The following DOLPP1 variants were observed in gnomAD, a reference collection of about 807,000 sequenced individuals.
DOLPP1 encodes the protein dolichyldiphosphatase 1.
DOLPP1 carries 15 observed loss-of-function variants against 34.1 expected under a neutral mutation model. The observed-to-expected ratio is 0.44, with a 90% CI of 0.29 to 0.68. The LOEUF is 0.68. Among genes scored for constraint, DOLPP1 ranks in the 30% least tolerant of loss-of-function variants. DOLPP1 has a pLI of 0.12. For synonymous variants in DOLPP1, 130 were observed against 128.2 expected (o/e 1.01, Z -0.10); for missense variants, 249 against 307.1 (o/e 0.81, Z 1.41).
chr9:129,087,236 C>T (rs1847007170), intron 7 of DOLPP1, among the ~76,000 whole-genome samples: 1 of 152,126 alleles, frequency 6.6e-6, no homozygotes, highest in Non-Finnish European at 1.5e-5. Flanking sequence ...GCTTTGGAGA[C>T]TCCTGACTCA....
Position 129,089,633 on chromosome 9 carries a change from C to T in DOLPP1, c.*626C>T, listed in dbSNP as rs1192621138. Reference sequence around the variant, plus strand: ...CCCTGTCTGGGGGCAGGGCCCAGAGCGAGCACGCGTCTGGCGGCTGCTGTC... The same window carrying T: ...CCCTGTCTGGGGGCAGGGCCCAGAGTGAGCACGCGTCTGGCGGCTGCTGTC... On this transcript the variant is annotated 3_prime_UTR_variant, in exon 8 of 8. Transcript: ENST00000372546. The surrounding 1 kb of genome is among the most constrained non-coding windows in gnomAD (Gnocchi z 4.9). The T allele has an allele frequency of 1.9e-5, 3 of 155,434 alleles. No homozygotes were observed. 9.6% of individuals were successfully genotyped at this position (155,434 alleles called of 1,614,324 possible).
At position 129,089,122 on chromosome 9, in the gene DOLPP1, T is replaced by C. The variant is rs1847048547; in HGVS notation, c.*115T>C. 3 of 1,030,692 alleles carry C rather than the reference T, an allele frequency of 2.9e-6. No homozygotes were observed. In the Admixed American group the frequency reaches 6.8e-5, roughly 23 times the overall value. 63.8% of individuals were successfully genotyped at this position (1,030,692 alleles called of 1,614,324 possible). ...ACCTCTACAGACCCAAGTCACCAAG[T>C]GGAGCCTTTTTTTTTCTTATTTTAA... On this transcript the variant is annotated 3_prime_UTR_variant, in exon 8 of 8. Transcript: ENST00000372546. This position sits in a 1 kb window ranked among gnomAD's most constrained non-coding sequence, Gnocchi z 4.9.
chr9:129,086,884 G>A (rs532030809), intron 7 of DOLPP1, 86 bp downstream of exon 7: 11 of 1,127,070 alleles, frequency 9.8e-6, no homozygotes, highest in South Asian at 6.2e-5. Context: ...GGAGCCTCGC[G>A]CCTGCCTAAG....
chr9:129,086,159 C>T lies in DOLPP1; in HGVS notation c.482C>T (p.Thr161Ile), dbSNP rs1272761478. The T allele has an allele frequency of 6.2e-7, 1 of 1,613,446 alleles. No individual in the cohort carries two copies. The highest frequency in any genetic ancestry group is 1.3e-5 in the African/African-American group (1 of 75,060). ...CCCAGGGTCTACCTGCTGTACCACA[C>T]CTGGAGCCAGGTGCTCTATGGAGGC... ...SYSRVYLLYH[T>I]WSQVLYGGIA... The change falls in exon 6 of 8, where the codon ACC becomes ATC. Residue 161 changes from threonine (T) to isoleucine (I), a missense_variant. By Grantham distance (89) the Thr-to-Ile change is moderately conservative (BLOSUM62 -1). Coordinates refer to ENST00000372546, the MANE Select transcript of DOLPP1 (RefSeq NM_020438.5).
intron 1 of DOLPP1, 37 bp downstream of exon 1, chr9:129,081,244 G>T: frequency 6.2e-7 from 1 of 1,603,536 alleles, no homozygotes; most frequent in Non-Finnish European, 8.5e-7. Context: ...CGCCTTCCCA[G>T]GGACGGCCTC....
intron 1 of DOLPP1, 145 bp downstream of exon 1, chr9:129,081,352 G>A: frequency 1.9e-6 from 2 of 1,061,862 alleles, no homozygotes; most frequent in Non-Finnish European, 2.6e-6. Flanking sequence ...GGGCTCGGCC[G>A]GCGCGCGCGC....
chr9:129,084,027 T>C (rs1846937216), intron 1 of DOLPP1, among the ~76,000 whole-genome samples: 1 of 152,192 alleles, frequency 6.6e-6, no homozygotes, highest in African/African-American at 2.4e-5. Flanking sequence ...TGGTAATCAA[T>C]AGGTAGGCAG....
chr9:129,090,392 A>G lies in DOLPP1; in HGVS notation c.*1385A>G, dbSNP rs912982273. On this transcript the variant is annotated 3_prime_UTR_variant, in exon 8 of 8. Transcript: ENST00000372546. ...AGGTGGTTTGATTTAAGAAAAATCA[A>G]TGAAATTGTTTACTACTGTTTTAAA... The G allele has an allele frequency of 6.6e-6, 1 of 152,642 alleles. No individual in the cohort carries two copies. Among genetic ancestry groups the G allele is most frequent in the African/African-American group, 2.4e-5 (1 of 41,434 alleles). 9.5% of individuals were successfully genotyped at this position (152,642 alleles called of 1,614,324 possible). A position where few individuals can be genotyped will look rare whatever the true frequency, so the allele number is the denominator to read the frequency against.
intron 1 of DOLPP1, among the ~76,000 whole-genome samples, chr9:129,084,224 G>C (rs900174443): frequency 6.6e-6 from 1 of 152,162 alleles, no homozygotes; most frequent in Non-Finnish European, 1.5e-5. Context: ...CTGCCGGGCT[G>C]CCTCCCAGGT....
At position 129,089,527 on chromosome 9, in the gene DOLPP1, T is replaced by C. The variant is rs1044113996; in HGVS notation, c.*520T>C. The C allele has an allele frequency of 5.8e-5, 9 of 154,850 alleles. No homozygotes were observed. The highest frequency in any genetic ancestry group is 2.5e-4 in the Admixed American group (4 of 15,858). 9.6% of individuals were successfully genotyped at this position (154,850 alleles called of 1,614,324 possible). On this transcript the variant is annotated 3_prime_UTR_variant, in exon 8 of 8. Coordinates refer to ENST00000372546, the MANE Select transcript of DOLPP1 (RefSeq NM_020438.5). The surrounding 1 kb of genome is among the most constrained non-coding windows in gnomAD (Gnocchi z 4.9). ...CAGACTGCCTCTCCCTGGGCCGGGG[T>C]GGCCTGGGTGCCAGGAGGAGGGGAG...
chr9:129,085,617 G>T lies in DOLPP1; in HGVS notation c.461+1G>T. The T allele has an allele frequency of 6.2e-7, 1 of 1,609,644 alleles. No individual in the cohort carries two copies. The highest frequency in any genetic ancestry group is 1.1e-5 in the South Asian group (1 of 90,916). On this transcript the variant is annotated splice_donor_variant, in intron 5 of 7. Coordinates refer to ENST00000372546, the MANE Select transcript of DOLPP1 (RefSeq NM_020438.5). LOFTEE classifies it high-confidence loss of function. The surrounding 1 kb of genome is among the most constrained non-coding windows in gnomAD (Gnocchi z 7.0). ...TGGCCTTCCTAGTCTCCTACAGCAG[G>T]TATGGAGGAGGGAGAGCCCCTGCCT...
rs1204189911 is a variant in DOLPP1, at chr9:129,084,744, C to T, written c.153C>T (p.Ile51=). 5 of 1,613,282 alleles carry T rather than the reference C, an allele frequency of 3.1e-6. No homozygotes were observed. The highest frequency in any genetic ancestry group is 4.2e-6 in the Non-Finnish European group (5 of 1,179,348). ...VFVIVGFVTL[I]IFKRELHTIS... ...TCATCGTCGGTTTCGTGACCCTCATCATATTTAAGCGGGAGCTGCACACGG... is the reference window on the plus strand; with the variant it reads ...TCATCGTCGGTTTCGTGACCCTCATTATATTTAAGCGGGAGCTGCACACGG... The change falls in exon 2 of 8, where the codon ATC becomes ATT. Residue 51 remains isoleucine (I), a synonymous_variant. Transcript: ENST00000372546.
Position 129,085,407 on chromosome 9 carries a change from C to A in DOLPP1, c.362+101C>A. ...TTGGATGCCCCTGGGGTGGGAGGGG[C>A]TGCAGCGGAGGCAGAAGGTACCCAG... On this transcript the variant is annotated intron_variant, in intron 4 of 7. Transcript: ENST00000372546. The surrounding 1 kb of genome is among the most constrained non-coding windows in gnomAD (Gnocchi z 7.0). 1 of 1,512,804 alleles carries A rather than the reference C, an allele frequency of 6.6e-7. No individual in the cohort carries two copies. The allele number at this position is 1,512,804 out of a possible 1,614,324, so 93.7% of individuals were successfully genotyped here. A position where few individuals can be genotyped will look rare whatever the true frequency, so the allele number is the denominator to read the frequency against.
In DOLPP1 at chr9:129,085,180, G is replaced by A; in HGVS notation, c.263-27G>A. The A allele has an allele frequency of 6.2e-7, 1 of 1,613,194 alleles. No individual in the cohort carries two copies. The highest frequency in any genetic ancestry group is 8.5e-7 in the Non-Finnish European group (1 of 1,179,406). The stretch of plus-strand genomic sequence containing the variant: ...TACTGGGAGGTCTGCATCCCCCCGT[G>A]ATGCCCTGGTCTCCTCTCTCTCCCA... On this transcript the variant is annotated intron_variant, in intron 3 of 7. Transcript: ENST00000372546. This position sits in a 1 kb window ranked among gnomAD's most constrained non-coding sequence, Gnocchi z 7.0.
Position 129,085,730 on chromosome 9 carries a change from T to A in DOLPP1, c.461+114T>A. 1.2e-6 allele frequency: 1 copy of A among 804,572 alleles called. No homozygotes were observed. The highest frequency in any genetic ancestry group is 1.9e-6 in the Non-Finnish European group (1 of 517,532). The allele number at this position is 804,572 out of a possible 1,614,324, so 49.8% of individuals were successfully genotyped here. A position where few individuals can be genotyped will look rare whatever the true frequency, so the allele number is the denominator to read the frequency against. On this transcript the variant is annotated intron_variant, in intron 5 of 7. Coordinates refer to ENST00000372546, the MANE Select transcript of DOLPP1 (RefSeq NM_020438.5). The surrounding 1 kb of genome is among the most constrained non-coding windows in gnomAD (Gnocchi z 7.0). ...AGTCCCAGAACCTGTAGTGCAGGAC[T>A]GGAAAAGGGGTCCCAGACCTCTAGT...
Position 129,081,173 on chromosome 9 carries a change from G to A in DOLPP1, c.42G>A (p.Arg14=). Residue 14 remains arginine, a synonymous_variant, in exon 1 of 8, where the codon CGG becomes CGA. Transcript: ENST00000372546. ...AGTGCTCGCTCCCCGCTTCATGGCG[G>A]CCGGTGACCCTCACCCACGTCGAAT... The part of the protein sequence containing the change: ...DGQCSLPASW[R]PVTLTHVEYP... The A allele has an allele frequency of 6.2e-7, 1 of 1,609,956 alleles. No homozygotes were observed. Among genetic ancestry groups the A allele is most frequent in the Non-Finnish European group, 8.5e-7 (1 of 1,179,490 alleles).
rs767066736 is a variant in DOLPP1 at position 129,081,183 on chromosome 9, C to T, written c.52C>T (p.Leu18Phe). 1.9e-6 allele frequency: 3 copies of T among 1,610,264 alleles called. No homozygotes were observed. In the South Asian group the frequency reaches 3.3e-5, roughly 18 times the overall value. Residue 18 changes from leucine to phenylalanine, a missense_variant, in exon 1 of 8, where the codon CTC (leucine) becomes TTC (phenylalanine). Physicochemically the swap from Leu to Phe is conservative, Grantham distance 22. Transcript: ENST00000372546. ...SLPASWRPVT[L>F]THVEYPAGDL... The stretch of plus-strand genomic sequence containing the variant: ...CCCCGCTTCATGGCGGCCGGTGACC[C>T]TCACCCACGTCGAATATCCTGCAGG...
chr9:129,085,273 T>A lies in DOLPP1; in HGVS notation c.329T>A (p.Phe110Tyr). Residue 110 changes from phenylalanine (F) to tyrosine (Y), a missense_variant, in exon 4 of 8, where the codon TTC becomes TAC. By Grantham distance (22) the Phe-to-Tyr change is conservative. Coordinates refer to ENST00000372546, the MANE Select transcript of DOLPP1 (RefSeq NM_020438.5). This position sits in a 1 kb window ranked among gnomAD's most constrained non-coding sequence, Gnocchi z 7.0. ...AGCCATTCCCAGTTTATGTGGTTCT[T>A]CTCCGTCTATTCCTTCCTTTTCCTG... ...PSSHSQFMWF[F>Y]SVYSFLFLYL... 1 of 1,614,096 alleles carries A rather than the reference T, an allele frequency of 6.2e-7. No homozygotes were observed. Among genetic ancestry groups the A allele is most frequent in the South Asian group, 1.1e-5 (1 of 91,082 alleles).
At chr9:129,084,638 T>C in intron 1 of DOLPP1, 30 bp from the exon 2 acceptor site, 2 of 1,472,944 alleles carry the variant, frequency 1.4e-6, no homozygotes, top group Non-Finnish European at 1.9e-6. Flanking sequence ...CTGTGCCCTG[T>C]CCTCCTGATT....
Sources: allele counts gnomAD v4.1 joint callset (sites outside exome capture counted in the v4.1 genomes callset), GRCh38; gene constraint gnomAD v4.1.1; non-coding constraint Gnocchi (gnomAD v3.1); transcripts MANE v1.5; gene names NCBI Gene and HGNC (gene_info 2026-07-23, HGNC 2026-07-21).